The following ZBTB25 variants were observed in gnomAD, a reference collection of about 807,000 sequenced individuals.
ZBTB25 encodes the protein zinc finger and BTB domain-containing protein 25.
Under a neutral mutation model 34.2 loss-of-function variants are expected in ZBTB25, and 20 were observed. That is an observed-to-expected ratio of 0.58 (90% confidence interval 0.41 to 0.85). The LOEUF is 0.85. ZBTB25 is among the 40% of genes least tolerant of loss of function. The pLI is 0.00. For synonymous variants in ZBTB25, 175 were observed against 186.4 expected (o/e 0.94, Z 0.50); for missense variants, 437 against 521.8 (o/e 0.84, Z 1.58).
rs180773994 is a variant in ZBTB25, at chr14:64,480,558, T to C, written c.*6365A>G. 6.5e-5 allele frequency: 13 copies of C among 200,264 alleles called. No individual in the cohort carries two copies. Among genetic ancestry groups the C allele is most frequent in the African/African-American group, 3.1e-4 (13 of 42,060 alleles). The allele number at this position is 200,264 out of a possible 1,614,324, so 12.4% of individuals were successfully genotyped here. The stretch of plus-strand genomic sequence containing the variant: ...TTGCCTCAACACTAGGAACACAACA[T>C]TTGGCAAACACTGATGTAAAATAAG... On this transcript the variant is annotated 3_prime_UTR_variant, in exon 3 of 3. Transcript: ENST00000608382.
Position 64,487,919 on chromosome 14 carries a change from G to A in ZBTB25, c.312C>T (p.Ala104=), listed in dbSNP as rs771517953. 18 of 1,614,012 alleles carry A rather than the reference G, an allele frequency of 1.1e-5. No individual in the cohort carries two copies. Among genetic ancestry groups the A allele is most frequent in the Middle Eastern group, 1.6e-4 (1 of 6,084 alleles). ...CAGTTGCAATGTGAGAAAGGTAGTC[G>A]GCGTGAAGAAATCGAATCCCTTCCT... ...RLEEGIRFLH[A]DYLSHIATEM... The change falls in exon 3 of 3, where the codon GCC becomes GCT. Residue 104 remains alanine, a synonymous_variant. Coordinates refer to ENST00000608382, the MANE Select transcript of ZBTB25 (RefSeq NM_006977.5).
chr14:64,464,240 A>G (rs2078587150), intron 2 of ZBTB25, among the ~76,000 whole-genome samples: 1 of 141,810 alleles, frequency 7.1e-6, no homozygotes, highest in African/African-American at 2.5e-5. Context: ...TATGTTGCCC[A>G]GGCTGGTCTC....
exon 3 of ZBTB25, chr14:64,449,599 T>C: frequency 6.2e-7 from 1 of 1,614,158 alleles, no homozygotes; most frequent in Non-Finnish European, 8.5e-7. Context: ...ACCCAGCAGC[T>C]TCCAGCTCCT....
At chr14:64,457,890 A>G (rs2078500937) in intron 2 of ZBTB25, 1 of 400,878 alleles carries the variant, frequency 2.5e-6, no homozygotes, top group African/African-American at 2.0e-5. Flanking sequence ...AGGAAAAGTG[A>G]AAGTAAAGAT....
chr14:64,504,926 C>T (rs1229549097), upstream of ZBTB25: 1 of 395,892 alleles, frequency 2.5e-6, no homozygotes, highest in Non-Finnish European at 4.5e-6. Context: ...ATCTCCGCAG[C>T]TCTGGTTCCT....
chr14:64,492,412 G>T (rs866817991), intron 1 of ZBTB25, among the ~76,000 whole-genome samples: 70 of 151,796 alleles, frequency 4.6e-4, no homozygotes, highest in African/African-American at 1.6e-3. Flanking sequence ...TCACCATGTT[G>T]GCCAGGCTGG....
intron 2 of ZBTB25, among the ~76,000 whole-genome samples, chr14:64,488,450 A>G (rs1358861936): frequency 1.3e-5 from 2 of 152,322 alleles, no homozygotes; most frequent in East Asian, 1.9e-4. Flanking sequence ...CAGGGACTCA[A>G]ACAGATACCT....
At chr14:64,489,345 G>C (rs1208469678) in intron 2 of ZBTB25, among the ~76,000 whole-genome samples, 3 of 151,956 alleles carry the variant, frequency 2.0e-5, no homozygotes, top group Non-Finnish European at 4.4e-5. Flanking sequence ...GTGACTAAAA[G>C]CATAGACATA....
Position 64,486,030 on chromosome 14 carries a change from T to C in ZBTB25, c.*893A>G, listed in dbSNP as rs766989332. 8 of 982,218 alleles carry C rather than the reference T, an allele frequency of 8.1e-6. No homozygotes were observed. The highest frequency in any genetic ancestry group is 1.8e-5 in the African/African-American group (1 of 57,084). 60.8% of individuals were successfully genotyped at this position (982,218 alleles called of 1,614,324 possible). The stretch of plus-strand genomic sequence containing the variant: ...ACTGTTTTTTTTATTAAAAATGAGA[T>C]ATACCACATCTGTAATCCCAGCACT... On this transcript the variant is annotated 3_prime_UTR_variant, in exon 3 of 3. Transcript: ENST00000608382.
chr14:64,500,475 A>AAAAAAAACAAAAAG (rs35009526), intron 1 of ZBTB25, among the ~76,000 whole-genome samples: 1 of 70,526 alleles, frequency 1.4e-5, no homozygotes. Context: ...AAAAAAAAAA[A>AAAAAAAACAAAAAG]AGAGAGAGAG....
chr14:64,505,050 C>T (rs908083298), upstream of ZBTB25: 7 of 375,074 alleles, frequency 1.9e-5, 1 homozygote, highest in Middle Eastern at 1.4e-3. Context: ...GGCGCCGATC[C>T]GTGCGGGGAG....
chr14:64,450,260 C>A (rs2078349317), intron 2 of ZBTB25, among the ~76,000 whole-genome samples: 1 of 152,178 alleles, frequency 6.6e-6, no homozygotes, highest in African/African-American at 2.4e-5. Context: ...TTCACTGTAG[C>A]CTTTAAAACA....
chr14:64,486,428 A>G lies in ZBTB25; in HGVS notation c.*495T>C. On this transcript the variant is annotated 3_prime_UTR_variant, in exon 3 of 3. Coordinates refer to ENST00000608382, the MANE Select transcript of ZBTB25 (RefSeq NM_006977.5). ...GGTATATCTTAAAATAAATTTTTATACATTATAACATATGTATAACATACA... is the reference window on the plus strand; with the variant it reads ...GGTATATCTTAAAATAAATTTTTATGCATTATAACATATGTATAACATACA... The G allele has an allele frequency of 1.0e-6, 1 of 977,496 alleles. No individual in the cohort carries two copies. The allele number at this position is 977,496 out of a possible 1,614,324, so 60.6% of individuals were successfully genotyped here. A position where few individuals can be genotyped will look rare whatever the true frequency, so the allele number is the denominator to read the frequency against.
intron 2 of ZBTB25, chr14:64,458,169 CTG>C (rs1459908873): frequency 6.9e-7 from 1 of 1,449,636 alleles, no homozygotes; most frequent in African/African-American, 1.4e-5. Flanking sequence ...GCGTGAGCCA[CTG>C]TGCCCAGCAT....
At position 64,490,397 on chromosome 14, in the gene ZBTB25, GA is replaced by G; in HGVS notation, c.136del (p.Ser46LeufsTer6). 6.2e-7 allele frequency: 1 copy of G among 1,607,080 alleles called. No individual in the cohort carries two copies. Among genetic ancestry groups the G allele is most frequent in the Non-Finnish European group, 8.5e-7 (1 of 1,175,748 alleles). ...AATAAATATCATCTTGAAATAGTTA[GA>G]AAAAGCAGCAAGCACTGCTCTGTGG... ...KAHRAVLAAF[S>X]NYFKMIFIHQ... On this transcript the variant is annotated frameshift_variant, in exon 2 of 3. Transcript: ENST00000608382. LOFTEE classifies it high-confidence loss of function.
Position 64,457,433 on chromosome 14 carries a change from A to G in ZBTB25, c.174-7795T>C, listed in dbSNP as rs1226249143. Among the ~76,000 whole-genome samples, 6 of 151,518 alleles carry G rather than the reference A, an allele frequency of 4.0e-5. No homozygotes were observed. In the East Asian group the frequency reaches 1.2e-3, roughly 29 times the overall value. ...GCTGGCATTTGGTTTGCAGAAGGAC[A>G]TGAGGAATCAGTTTCTTTTCTTTTC... On this transcript the variant is annotated intron_variant, in intron 2 of 2. Transcript: ENST00000555220.
intron 2 of ZBTB25, chr14:64,461,572 C>CCTTT (rs1491549616): frequency 1.2e-5 from 1 of 85,254 alleles, no homozygotes; most frequent in Non-Finnish European, 2.2e-5. Flanking sequence ...CTTTTTTTTT[C>CCTTT]CTTTTTTTTT....
intron 2 of ZBTB25, among the ~76,000 whole-genome samples, chr14:64,457,811 CAA>C (rs1445655074): frequency 6.6e-6 from 1 of 152,112 alleles, no homozygotes; most frequent in Non-Finnish European, 1.5e-5. Flanking sequence ...TAATATGTAA[CAA>C]GAGTACCCAC....
intron 1 of ZBTB25, among the ~76,000 whole-genome samples, chr14:64,501,336 T>A (rs369454925): frequency 1.3e-5 from 2 of 152,194 alleles, no homozygotes; most frequent in East Asian, 1.9e-4. Flanking sequence ...ATTTTACAAA[T>A]GAGGAAAAAT....
Sources: gnomAD v4.1 joint callset for allele counts (sites outside exome capture counted in the v4.1 genomes callset) on GRCh38, gnomAD v4.1.1 for gene constraint, MANE v1.5 for transcripts, NCBI Gene and HGNC (gene_info 2026-07-23, HGNC 2026-07-21) for gene names.